Variants in RANBP2 observed in about 807,000 individuals in gnomAD.
RANBP2 encodes E3 SUMO-protein ligase RanBP2.
Under a neutral mutation model 303.6 loss-of-function variants are expected in RANBP2, and 57 were observed. That is an observed-to-expected ratio of 0.19 (90% CI 0.15 to 0.23). The LOEUF is 0.23. Ranked by LOEUF, RANBP2 falls within the 10% of genes least tolerant of loss-of-function variation. The pLI is 1.00. For synonymous variants in RANBP2, 1,167 were observed against 1,301.5 expected (o/e 0.90, Z 2.23); for missense variants, 3,138 against 3,780.8 (o/e 0.83, Z 4.46).
the RANBP2 span, among the ~76,000 whole-genome samples, chr2:108,877,893 A>G: frequency 6.6e-6 from 1 of 152,214 alleles, no homozygotes; most frequent in Non-Finnish European, 1.5e-5. Context: ...TACTTAGAAG[A>G]AAGGAAAAAC....
chr2:109,743,221 C>T, the RANBP2 span, among the ~76,000 whole-genome samples: 155 of 145,962 alleles, frequency 1.1e-3, 15 homozygotes, highest in African/African-American at 2.6e-3. Flanking sequence ...CAGTAAGCCA[C>T]GATGGCATCA....
chr2:109,222,692 C>G, the RANBP2 span, among the ~76,000 whole-genome samples: 3 of 152,246 alleles, frequency 2.0e-5, no homozygotes, highest in African/African-American at 2.4e-5. Context: ...TGTACCTCCT[C>G]CCTAAAACCC....
the RANBP2 span, among the ~76,000 whole-genome samples, chr2:109,405,060 C>T: frequency 6.6e-6 from 1 of 151,366 alleles, no homozygotes. Flanking sequence ...CACAAATACC[C>T]CCCACCTTCT....
the RANBP2 span, among the ~76,000 whole-genome samples, chr2:108,945,188 G>A: frequency 6.6e-6 from 1 of 152,172 alleles, no homozygotes; most frequent in Non-Finnish European, 1.5e-5. Flanking sequence ...GCCAAGCCCA[G>A]CTTGGGTGGG....
the RANBP2 span, among the ~76,000 whole-genome samples, chr2:109,094,184 A>C: frequency 1.3e-5 from 2 of 152,126 alleles, no homozygotes; most frequent in African/African-American, 4.8e-5. Flanking sequence ...CCCAGCCCCC[A>C]ATGAGAGATG....
the RANBP2 span, among the ~76,000 whole-genome samples, chr2:109,200,867 C>T: frequency 6.6e-6 from 1 of 152,236 alleles, no homozygotes; most frequent in Admixed American, 6.5e-5. Flanking sequence ...CTCAGCCTGT[C>T]ATGGGGTTTC....
At chr2:108,885,287 C>G in the RANBP2 span, 3 of 152,190 alleles carry the variant, frequency 2.0e-5, no homozygotes, top group Non-Finnish European at 2.9e-5. Flanking sequence ...TTGTTTTCCT[C>G]TCATATAACT....
At chr2:108,990,879 GA>G in the RANBP2 span, among the ~76,000 whole-genome samples, 1 of 152,180 alleles carries the variant, frequency 6.6e-6, no homozygotes, top group Non-Finnish European at 1.5e-5. Context: ...AGGAACCTGG[GA>G]AAATGAATGG....
At chr2:109,055,622 G>A in the RANBP2 span, among the ~76,000 whole-genome samples, 3 of 151,768 alleles carry the variant, frequency 2.0e-5, no homozygotes, top group Admixed American at 6.6e-5. Flanking sequence ...CTGACCTAGC[G>A]ATCCATCTGC....
At chr2:109,154,654 T>C in the RANBP2 span, among the ~76,000 whole-genome samples, 4 of 152,216 alleles carry the variant, frequency 2.6e-5, no homozygotes, top group East Asian at 7.7e-4. Context: ...TGAATACTTT[T>C]GGCCTTGCTG....
At chr2:109,357,936 A>C in the RANBP2 span, among the ~76,000 whole-genome samples, 1 of 152,172 alleles carries the variant, frequency 6.6e-6, no homozygotes. Context: ...TATTACTCTA[A>C]GCCTATAGTC....
the RANBP2 span, among the ~76,000 whole-genome samples, chr2:108,813,094 A>G: frequency 6.6e-6 from 1 of 151,780 alleles, no homozygotes; most frequent in African/African-American, 2.4e-5. Flanking sequence ...CTAAAAATAC[A>G]GAAAATTAGC....
chr2:109,330,499 C>T, the RANBP2 span, among the ~76,000 whole-genome samples: 2 of 152,146 alleles, frequency 1.3e-5, no homozygotes, highest in Non-Finnish European at 2.9e-5. Flanking sequence ...GAATGGGGGG[C>T]AGGGGGTGTC....
chr2:109,476,280 C>T, the RANBP2 span, among the ~76,000 whole-genome samples: 10 of 152,328 alleles, frequency 6.6e-5, no homozygotes, highest in East Asian at 1.9e-3. Flanking sequence ...GTTGTGGGCA[C>T]AGTACCCCAA....
At chr2:109,403,357 G>A in the RANBP2 span, among the ~76,000 whole-genome samples, 3 of 152,124 alleles carry the variant, frequency 2.0e-5, no homozygotes, top group African/African-American at 4.8e-5. Flanking sequence ...CAGCTTCCCC[G>A]ACTGTGTGGC....
chr2:109,407,598 G>A, the RANBP2 span, among the ~76,000 whole-genome samples: 551 of 152,276 alleles, frequency 3.6e-3, no homozygotes, highest in Non-Finnish European at 6.1e-3. Context: ...TGCAAACTCC[G>A]GCTCCAGCTC....
chr2:109,095,506 G>A, the RANBP2 span, among the ~76,000 whole-genome samples: 6 of 152,330 alleles, frequency 3.9e-5, no homozygotes, highest in East Asian at 1.9e-4. Context: ...TTTAAGCAAG[G>A]TGAAAGGGGT....
intron 7 of RANBP2, among the ~76,000 whole-genome samples, chr2:108,745,889 G>C (rs1696470116): frequency 1.3e-5 from 2 of 149,218 alleles, no homozygotes; most frequent in East Asian, 3.9e-4. Flanking sequence ...TCTCAGAGTT[G>C]CTCTGTGTAT....
the RANBP2 span, among the ~76,000 whole-genome samples, chr2:108,816,668 A>G: frequency 6.6e-6 from 1 of 152,126 alleles, no homozygotes; most frequent in African/African-American, 2.4e-5. Context: ...TCATGAGGGC[A>G]TCCCTCATAA....
Sources: gnomAD v4.1 joint callset for allele counts (sites outside exome capture counted in the v4.1 genomes callset) on GRCh38, gnomAD v4.1.1 for gene constraint, MANE v1.5 for transcripts, NCBI Gene and HGNC (gene_info 2026-07-23, HGNC 2026-07-21) for gene names.